BICRA: variants seen among roughly 807,000 people sequenced by gnomAD.
BICRA encodes BRD4-interacting chromatin-remodeling complex-associated protein.
A neutral mutation model predicts 96.9 loss-of-function variants in BICRA; 31 were observed. The observed-to-expected ratio is 0.32, with a 90% confidence interval of 0.24 to 0.43. The LOEUF (loss-of-function observed/expected upper bound fraction) is 0.43. Among genes scored for constraint, BICRA ranks in the 20% least tolerant of loss-of-function variants. BICRA has a pLI of 1.00. For missense variants in BICRA, 2,283 were observed against 2,190.3 expected, an observed-to-expected ratio of 1.04 and a Z score of -0.84; for synonymous variants, 1,350 against 1,071.8, an observed-to-expected ratio of 1.26 and a Z score of -5.07.
chr19:47,666,436 C>T (rs1197734782), intron 1 of BICRA, among the ~76,000 whole-genome samples: 1 of 152,028 alleles, frequency 6.6e-6, no homozygotes, highest in East Asian at 1.9e-4. Flanking sequence ...TGTGCCACCA[C>T]ACCCAGCTGT....
At chr19:47,646,875 C>T (rs1409138470) in intron 1 of BICRA, among the ~76,000 whole-genome samples, 3 of 152,044 alleles carry the variant, frequency 2.0e-5, no homozygotes, top group Non-Finnish European at 4.4e-5. Context: ...GAGTTATAAC[C>T]ATCACCATAA....
chr19:47,697,458 A>G (rs9749066), intron 11 of BICRA, among the ~76,000 whole-genome samples: 66,216 of 151,528 alleles, frequency 0.44, 15,060 homozygotes, highest in East Asian at 0.64. Context: ...TATGTTGCCC[A>G]GGCTGGTTGG....
chr19:47,638,827 GT>G (rs1205029218), intron 1 of BICRA, among the ~76,000 whole-genome samples: 1 of 151,802 alleles, frequency 6.6e-6, no homozygotes, highest in African/African-American at 2.4e-5. Flanking sequence ...GCTAGTATTT[GT>G]ATTTTCAGTA....
chr19:47,634,745 C>T (rs1432032218), intron 1 of BICRA, among the ~76,000 whole-genome samples: 2 of 150,658 alleles, frequency 1.3e-5, no homozygotes, highest in Non-Finnish European at 3.0e-5. Flanking sequence ...TCTTCTCTCT[C>T]TTAAAATTAA....
chr19:47,645,701 T>C (rs1306518461), intron 1 of BICRA, among the ~76,000 whole-genome samples: 1 of 152,188 alleles, frequency 6.6e-6, no homozygotes, highest in Non-Finnish European at 1.5e-5. Context: ...AGTATGTTAA[T>C]GTTTGGGCAT....
At position 47,701,412 on chromosome 19, in the gene BICRA, T is replaced by C. The variant is rs2123616440; in HGVS notation, c.3680T>C (p.Leu1227Pro). ...EGHRLPGHGP[L>P]SSSAPGASTQ... ...CATCGGCTTCCCGGCCACGGCCCCC[T>C]GTCGTCTTCAGCTCCCGGGGCCTCC... Residue 1227 changes from leucine to proline, a missense_variant, in exon 15 of 15, where the codon CTG becomes CCG. Coordinates refer to ENST00000594866, the MANE Select transcript of BICRA (RefSeq NM_001394372.1). The surrounding 1 kb of genome is among the most constrained non-coding windows in gnomAD (Gnocchi z 5.4). 5 of 1,597,774 alleles carry C rather than the reference T, an allele frequency of 3.1e-6. No homozygotes were observed. The highest frequency in any genetic ancestry group is 4.3e-6 in the Non-Finnish European group (5 of 1,173,178).
chr19:47,645,393 C>G (rs984065182), intron 1 of BICRA, among the ~76,000 whole-genome samples: 3 of 152,324 alleles, frequency 2.0e-5, no homozygotes, highest in Non-Finnish European at 4.4e-5. Context: ...CCCTGAGGTT[C>G]TGCCTTTGAA....
chr19:47,685,788 C>T (rs10853792), intron 7 of BICRA, among the ~76,000 whole-genome samples: 25,765 of 78,118 alleles, frequency 0.33, 2,495 homozygotes, highest in African/African-American at 0.34. Context: ...TGTGTGTGTG[C>T]GCGCGCGCGC....
chr19:47,701,795 C>T lies in BICRA; in HGVS notation c.4063C>T (p.Pro1355Ser). ...GCCACGGCCGCCACCACCACCGCCGCCCACGGGCCAGATGAACGGCACGGT... is the reference window on the plus strand; with the variant it reads ...GCCACGGCCGCCACCACCACCGCCGTCCACGGGCCAGATGAACGGCACGGT... The part of the protein sequence containing the change: ...PPPRPPPPPP[P>S]TGQMNGTVDH... Residue 1355 changes from proline to serine, a missense_variant, in exon 15 of 15, where the codon CCC becomes TCC. Coordinates refer to ENST00000594866, the MANE Select transcript of BICRA (RefSeq NM_001394372.1). The surrounding 1 kb of genome is among the most constrained non-coding windows in gnomAD (Gnocchi z 5.4). 1.3e-6 allele frequency: 2 copies of T among 1,538,988 alleles called. No individual in the cohort carries two copies. Among genetic ancestry groups the T allele is most frequent in the Non-Finnish European group, 1.7e-6 (2 of 1,144,198 alleles).
intron 1 of BICRA, among the ~76,000 whole-genome samples, chr19:47,651,867 G>A (rs928439772): frequency 6.6e-6 from 1 of 152,206 alleles, no homozygotes; most frequent in African/African-American, 2.4e-5. Context: ...GCCAACCAGC[G>A]TTGGCTGATT....
At chr19:47,662,625 C>G (rs1415554078) in intron 1 of BICRA, 1 of 152,300 alleles carries the variant, frequency 6.6e-6, no homozygotes, top group African/African-American at 2.4e-5. Context: ...GAGCCGAGAT[C>G]ATGCCACTGC....
chr19:47,682,530 T>C (rs940197408), intron 7 of BICRA, among the ~76,000 whole-genome samples: 9 of 152,238 alleles, frequency 5.9e-5, no homozygotes, highest in African/African-American at 2.2e-4. Flanking sequence ...AGGTGGTTTC[T>C]TGCATTTGTT....
rs1235160355 is a variant in BICRA at position 47,692,697 on chromosome 19, CTGAT to C, written c.2284-1407_2284-1404del. Among the ~76,000 whole-genome samples the C allele has an allele frequency of 6.6e-5, 10 of 152,284 alleles. No homozygotes were observed. The East Asian group carries it at 1.5e-3, about 24-fold the overall frequency. On this transcript the variant is annotated intron_variant, in intron 7 of 14. Coordinates refer to ENST00000594866, the MANE Select transcript of BICRA (RefSeq NM_001394372.1). ...TTAGAGGTGGCAAACCTTTTGAAGA[CTGAT>C]TGATTGATTGGTTTGGTTTGGTTCT...
At position 47,699,430 on chromosome 19, in the gene BICRA, G is replaced by A. The variant is rs1973406333; in HGVS notation, c.3595+25G>A. ...GGTGAGAGGGGGGAGTGAGAGGGGA[G>A]GGGAGGGAGAGGTGCCCCCACCCCA... On this transcript the variant is annotated intron_variant, in intron 14 of 14. Coordinates refer to ENST00000594866, the MANE Select transcript of BICRA (RefSeq NM_001394372.1). The surrounding 1 kb of genome is among the most constrained non-coding windows in gnomAD (Gnocchi z 5.0). 4.5e-6 allele frequency: 6 copies of A among 1,336,454 alleles called. No individual in the cohort carries two copies. The East Asian group carries it at 1.2e-4, about 28-fold the overall frequency. 82.8% of individuals were successfully genotyped at this position (1,336,454 alleles called of 1,614,324 possible). A position where few individuals can be genotyped will look rare whatever the true frequency, so the allele number is the denominator to read the frequency against.
intron 1 of BICRA, among the ~76,000 whole-genome samples, chr19:47,655,524 T>TAAA (rs1390041830): frequency 1.9e-5 from 1 of 51,404 alleles, no homozygotes; most frequent in African/African-American, 8.9e-5. Flanking sequence ...AAACTCTGTC[T>TAAA]CAAAAAAAAA....
chr19:47,648,524 G>T (rs1487728206), intron 1 of BICRA, among the ~76,000 whole-genome samples: 3 of 151,760 alleles, frequency 2.0e-5, no homozygotes, highest in Non-Finnish European at 4.4e-5. Flanking sequence ...AAGCAAGCAG[G>T]AGAGGGACTG....
rs1347132072 is a variant in BICRA at position 47,633,370 on chromosome 19, A to G, written c.-108+24202A>G. Among the ~76,000 whole-genome samples, 4 of 152,020 alleles carry G rather than the reference A, an allele frequency of 2.6e-5. No individual in the cohort carries two copies. In the East Asian group the frequency reaches 5.8e-4, roughly 22 times the overall value. ...GCTGGGATCACAGACCTAAGCCACA[A>G]TGCCCCGGCGTATTTTTCCAAGATG... On this transcript the variant is annotated intron_variant, in intron 1 of 14. Transcript: ENST00000594866.
rs565570206 is a variant in BICRA at position 47,679,826 on chromosome 19, A to G, written c.656A>G (p.Asn219Ser). 79 of 1,486,912 alleles carry G rather than the reference A, an allele frequency of 5.3e-5. No homozygotes were observed. In the African/African-American group the frequency reaches 9.9e-4, roughly 19 times the overall value. The allele number at this position is 1,486,912 out of a possible 1,614,324, so 92.1% of individuals were successfully genotyped here. The change falls in exon 6 of 15, where the codon AAT (asparagine) becomes AGT (serine). Residue 219 changes from asparagine (N) to serine (S), a missense_variant. Coordinates refer to ENST00000594866, the MANE Select transcript of BICRA (RefSeq NM_001394372.1). ...QPIPGLQGLPNGSPGGATAAT... is the reference protein window; with the variant it reads ...QPIPGLQGLPSGSPGGATAAT... ...ATCCCGGGCCTCCAAGGCCTGCCCA[A>G]TGGCAGCCCTGGGGGTGCCACGGCG...
In BICRA at chr19:47,698,340, C is replaced by T. The variant is rs1321302554; in HGVS notation, c.3249-294C>T. Among the ~76,000 whole-genome samples, 1 of 152,176 alleles carries T rather than the reference C, an allele frequency of 6.6e-6. No homozygotes were observed. Among genetic ancestry groups the T allele is most frequent in the African/African-American group, 2.4e-5 (1 of 41,450 alleles). ...CAGCTTCCAGGCTCTGGCCTCACTTCCCGCTCTGCTCTTCCTCCCTTACGT... is the reference window on the plus strand; with the variant it reads ...CAGCTTCCAGGCTCTGGCCTCACTTTCCGCTCTGCTCTTCCTCCCTTACGT... On this transcript the variant is annotated intron_variant, in intron 11 of 14. Coordinates refer to ENST00000594866, the MANE Select transcript of BICRA (RefSeq NM_001394372.1). This position sits in a 1 kb window ranked among gnomAD's most constrained non-coding sequence, Gnocchi z 4.8.
Sources: allele counts gnomAD v4.1 joint callset (sites outside exome capture counted in the v4.1 genomes callset), GRCh38; gene constraint gnomAD v4.1.1; non-coding constraint Gnocchi (gnomAD v3.1); transcripts MANE v1.5; gene names NCBI Gene and HGNC (gene_info 2026-07-23, HGNC 2026-07-21).